Variants in KCNIP1 observed in about 807,000 individuals in gnomAD.
KCNIP1 encodes potassium voltage-gated channel interacting protein 1, also known as A-type potassium channel modulatory protein KCNIP1.
KCNIP1 carries 18 observed loss-of-function variants against 33.0 expected under a neutral mutation model. The ratio of observed to expected loss-of-function variants is 0.55; its 90% CI spans 0.38 to 0.81. KCNIP1 has a LOEUF of 0.81. Among genes scored for constraint, KCNIP1 ranks in the 30% least tolerant of loss-of-function variants. The pLI is 0.00. For synonymous variants in KCNIP1, 93 were observed against 98.3 expected, an observed-to-expected ratio of 0.95 and a Z score of 0.32; for missense variants, 238 against 271.6, an observed-to-expected ratio of 0.88 and a Z score of 0.87.
intron 1 of KCNIP1, among the ~76,000 whole-genome samples, chr5:170,610,880 G>A (rs1054143709): frequency 6.6e-6 from 1 of 152,196 alleles, no homozygotes; most frequent in Non-Finnish European, 1.5e-5. Context: ...TTATTGTTCA[G>A]ATGCATATTC....
chr5:170,568,911 G>A (rs1757299965), intron 1 of KCNIP1, among the ~76,000 whole-genome samples: 1 of 152,158 alleles, frequency 6.6e-6, no homozygotes, highest in East Asian at 1.9e-4. Flanking sequence ...ACCCAGGCTT[G>A]TGTTTTCATC....
chr5:170,674,382 C>A (rs115535966), intron 1 of KCNIP1, among the ~76,000 whole-genome samples: 2 of 152,276 alleles, frequency 1.3e-5, no homozygotes, highest in African/African-American at 2.4e-5. Flanking sequence ...TTGCAAATGG[C>A]TTTCCATTGA....
intron 1 of KCNIP1, among the ~76,000 whole-genome samples, chr5:170,470,791 G>A (rs1756705295): frequency 6.6e-6 from 1 of 152,154 alleles, no homozygotes; most frequent in South Asian, 2.1e-4. Flanking sequence ...TAAAATTTTG[G>A]TGTAGGCAGA....
chr5:170,506,102 G>A (rs1561656941), intron 1 of KCNIP1, among the ~76,000 whole-genome samples: 1 of 152,188 alleles, frequency 6.6e-6, no homozygotes, highest in Non-Finnish European at 1.5e-5. Flanking sequence ...CGGTCTCAGA[G>A]GCCAGGGGAC....
intron 1 of KCNIP1, among the ~76,000 whole-genome samples, chr5:170,704,620 G>C (rs1051052577): frequency 6.6e-6 from 1 of 152,172 alleles, no homozygotes; most frequent in African/African-American, 2.4e-5. Context: ...GCAGGAAGGT[G>C]GGGGGTTGTT....
At chr5:170,428,845 A>G (rs191257170) in intron 1 of KCNIP1, among the ~76,000 whole-genome samples, 45 of 152,182 alleles carry the variant, frequency 3.0e-4, no homozygotes, top group South Asian at 1.9e-3. Context: ...GAAAGAAGGT[A>G]TCTGGGGTTT....
At chr5:170,600,036 A>G (rs1758632117) in intron 1 of KCNIP1, among the ~76,000 whole-genome samples, 1 of 152,212 alleles carries the variant, frequency 6.6e-6, no homozygotes, top group South Asian at 2.1e-4. Flanking sequence ...GCACCAGCTC[A>G]TTCAAGCCAT....
At chr5:170,510,022 T>C (rs933586932) in intron 1 of KCNIP1, among the ~76,000 whole-genome samples, 1 of 152,242 alleles carries the variant, frequency 6.6e-6, no homozygotes, top group Non-Finnish European at 1.5e-5. Context: ...ACAATTGTCC[T>C]TCAGCATTGC....
At position 170,615,292 on chromosome 5, in the gene KCNIP1, G is replaced by A. The variant is rs895104457; in HGVS notation, c.62-103466G>A. 2.0e-5 allele frequency among the ~76,000 whole-genome samples: 3 copies of A among 152,076 alleles called. 1 individual carries two copies. Among genetic ancestry groups the A allele is most frequent in the South Asian group, 4.1e-4 (2 of 4,820 alleles). On this transcript the variant is annotated intron_variant, in intron 1 of 7. Transcript: ENST00000328939. Reference sequence around the variant, plus strand: ...ACAGCCTGGGCACGTAGCTACTGTGGTGAATCACCTTTCCTGGCAGAGCAC... The same window carrying A: ...ACAGCCTGGGCACGTAGCTACTGTGATGAATCACCTTTCCTGGCAGAGCAC...
At chr5:170,388,232 A>G (rs1764565318) in intron 1 of KCNIP1, among the ~76,000 whole-genome samples, 1 of 152,160 alleles carries the variant, frequency 6.6e-6, no homozygotes, top group African/African-American at 2.4e-5. Flanking sequence ...GTCTGATGAG[A>G]TTGTTGCCTG....
chr5:170,400,986 C>CT (rs1325250011), intron 1 of KCNIP1, among the ~76,000 whole-genome samples: 1 of 152,232 alleles, frequency 6.6e-6, no homozygotes, highest in Non-Finnish European at 1.5e-5. Flanking sequence ...ATAGGTATCT[C>CT]TGGAGCCTTA....
chr5:170,419,875 C>G (rs1365000561), intron 1 of KCNIP1, among the ~76,000 whole-genome samples: 2 of 152,134 alleles, frequency 1.3e-5, no homozygotes, highest in Non-Finnish European at 1.5e-5. Context: ...GTGATTAAGT[C>G]ACAAGTCCAA....
At chr5:170,442,725 G>A (rs1445795640) in intron 1 of KCNIP1, among the ~76,000 whole-genome samples, 3 of 152,194 alleles carry the variant, frequency 2.0e-5, no homozygotes, top group Non-Finnish European at 4.4e-5. Context: ...TTTTGCTGCT[G>A]TGAGAGAGGG....
chr5:170,589,764 TGTG>T (rs1407455009), intron 1 of KCNIP1, among the ~76,000 whole-genome samples: 54 of 125,140 alleles, frequency 4.3e-4, no homozygotes, highest in African/African-American at 1.5e-3. Flanking sequence ...TGTGGTGTGG[TGTG>T]GTGTGGTGTG....
intron 1 of KCNIP1, among the ~76,000 whole-genome samples, chr5:170,401,349 T>C (rs1179222647): frequency 6.6e-6 from 1 of 152,004 alleles, no homozygotes; most frequent in Non-Finnish European, 1.5e-5. Context: ...ACACTCAGAG[T>C]GAATATTATT....
intron 1 of KCNIP1, among the ~76,000 whole-genome samples, chr5:170,443,532 G>A (rs1033433336): frequency 2.6e-5 from 4 of 152,112 alleles, no homozygotes; most frequent in Non-Finnish European, 4.4e-5. Context: ...ATTTCTTAGG[G>A]GTTTTGTAGA....
intron 1 of KCNIP1, among the ~76,000 whole-genome samples, chr5:170,449,154 T>G (rs1756187351): frequency 6.6e-6 from 1 of 152,210 alleles, no homozygotes; most frequent in South Asian, 2.1e-4. Flanking sequence ...AGTGAGTTGG[T>G]TCATTCATTC....
intron 1 of KCNIP1, among the ~76,000 whole-genome samples, chr5:170,494,722 C>A (rs558587440): frequency 7.9e-5 from 12 of 152,322 alleles, no homozygotes; most frequent in African/African-American, 2.2e-4. Flanking sequence ...GACAGGCTCC[C>A]CGTCCCCTCA....
chr5:170,579,766 G>A (rs1757725832), intron 1 of KCNIP1, among the ~76,000 whole-genome samples: 1 of 152,132 alleles, frequency 6.6e-6, no homozygotes, highest in African/African-American at 2.4e-5. Flanking sequence ...TTGCTTGGAG[G>A]CGGGAAGCCC....
Sources: allele counts gnomAD v4.1 joint callset (sites outside exome capture counted in the v4.1 genomes callset), GRCh38; gene constraint gnomAD v4.1.1; transcripts MANE v1.5; gene names NCBI Gene and HGNC (gene_info 2026-07-23, HGNC 2026-07-21).